The following PI15 variants were observed in gnomAD, a reference collection of about 807,000 sequenced individuals.
PI15 encodes 25 kDa trypsin inhibitor.
A neutral mutation model predicts 31.0 loss-of-function variants in PI15; 18 were observed. The observed-to-expected ratio is 0.58, with a 90% CI of 0.40 to 0.86. PI15 has a LOEUF of 0.86. Ranked by LOEUF, PI15 falls within the 40% of genes least tolerant of loss-of-function variation. The pLI, the probability that PI15 is intolerant of heterozygous loss-of-function variation, is 0.00. For synonymous variants in PI15, 118 were observed against 119.1 expected, an observed-to-expected ratio of 0.99 and a Z score of 0.06; for missense variants, 282 against 328.1, an observed-to-expected ratio of 0.86 and a Z score of 1.09.
At chr8:74,849,014 G>T in intron 5 of PI15, 104 bp from the exon 6 acceptor site, 1 of 895,172 alleles carries the variant, frequency 1.1e-6, no homozygotes, top group Non-Finnish European at 1.7e-6. Flanking sequence ...CTTCTCAAAC[G>T]GATCATCACA....
chr8:74,839,334 C>G (rs915722568), intron 2 of PI15, among the ~76,000 whole-genome samples: 1 of 152,032 alleles, frequency 6.6e-6, no homozygotes, highest in Non-Finnish European at 1.5e-5. Flanking sequence ...ATGAGCTGAC[C>G]AACTGAATGG....
At chr8:74,836,655 G>A (rs1382324379) in intron 2 of PI15, among the ~76,000 whole-genome samples, 1 of 152,156 alleles carries the variant, frequency 6.6e-6, no homozygotes, top group Non-Finnish European at 1.5e-5. Flanking sequence ...TAGAGAAGAA[G>A]CAGCCAGAGA....
At position 74,829,101 on chromosome 8, in the gene PI15, T is replaced by C. The variant is rs180720349; in HGVS notation, c.273+3579T>C. The stretch of plus-strand genomic sequence containing the variant: ...TTTATTCATTTTTGTATCTCTGTTT[T>C]CTTGGGCAATTTCTTGTGTATAGAA... On this transcript the variant is annotated intron_variant, in intron 2 of 5. Transcript: ENST00000260113. Among the ~76,000 whole-genome samples, 317 of 152,222 alleles carry C rather than the reference T, an allele frequency of 2.1e-3. 3 individuals carry two copies. Among genetic ancestry groups the C allele is most frequent in the African/African-American group, 6.7e-3 (279 of 41,556 alleles).
In PI15 at chr8:74,845,480, A is replaced by T. The variant is rs1299824565; in HGVS notation, c.624A>T (p.Val208=). 1 of 1,608,922 alleles carries T rather than the reference A, an allele frequency of 6.2e-7. No homozygotes were observed. Among genetic ancestry groups the T allele is most frequent in the African/African-American group, 1.3e-5 (1 of 74,916 alleles). Residue 208 remains valine, a synonymous_variant, in exon 5 of 6, where the codon GTA becomes GTT. Transcript: ENST00000260113. ...TGTGGCGACGTGCAGTTTACTTGGT[A>T]TGCAACTATGCCCCAAAGTAAGTAC... ...GSVWRRAVYL[V]CNYAPKGNWI...
intron 2 of PI15, among the ~76,000 whole-genome samples, chr8:74,832,951 C>T (rs1810809236): frequency 6.6e-6 from 1 of 152,082 alleles, no homozygotes. Context: ...GCATCAAATT[C>T]ACTTTTAATA....
chr8:74,825,219 C>T lies in PI15; in HGVS notation c.-31C>T. The T allele has an allele frequency of 6.2e-7, 1 of 1,606,466 alleles. No homozygotes were observed. Among genetic ancestry groups the T allele is most frequent in the South Asian group, 1.1e-5 (1 of 90,904 alleles). On this transcript the variant is annotated 5_prime_UTR_variant, in exon 2 of 6. Coordinates refer to ENST00000260113, the MANE Select transcript of PI15 (RefSeq NM_015886.5). ...CCTTTCTGCTTTAAAGCAAAGTAAA[C>T]TCGGTGGCCTCTTCTTCTCCACCCC...
At position 74,853,875 on chromosome 8, in the gene PI15, A is replaced by G. The variant is rs1189985741; in HGVS notation, c.*4622A>G. On this transcript the variant is annotated 3_prime_UTR_variant, in exon 6 of 6. Transcript: ENST00000260113. ...AATTAATTAGGTATTGGTAAAATAT[A>G]TTTTTAAATTTAGTTAGCTTTATAA... 11 of 152,022 alleles carry G rather than the reference A, an allele frequency of 7.2e-5. No homozygotes were observed. In the East Asian group the frequency reaches 1.4e-3, roughly 19 times the overall value. The allele number at this position is 152,022 out of a possible 1,614,324, so 9.4% of individuals were successfully genotyped here. A position where few individuals can be genotyped will look rare whatever the true frequency, so the allele number is the denominator to read the frequency against.
intron 2 of PI15, among the ~76,000 whole-genome samples, chr8:74,829,556 T>G (rs1810750262): frequency 6.6e-6 from 1 of 152,122 alleles, no homozygotes; most frequent in Non-Finnish European, 1.5e-5. Flanking sequence ...TTAAGTCAAT[T>G]GAATAAATTA....
Position 74,825,390 on chromosome 8 carries a change from ATTAGATTCAGCGG to A in PI15, c.142_154del (p.Leu48IlefsTer16). ...ATATTGAAGCAGCTCTGAAAGCACA[ATTAGATTCAGCGG>A]ATATCCCCAAAGCCAGGCGGAAGCG... On this transcript the variant is annotated frameshift_variant, in exon 2 of 6. Coordinates refer to ENST00000260113, the MANE Select transcript of PI15 (RefSeq NM_015886.5). LOFTEE classifies it high-confidence loss of function. 6.2e-7 allele frequency: 1 copy of A among 1,613,542 alleles called. No individual in the cohort carries two copies. The highest frequency in any genetic ancestry group is 8.5e-7 in the Non-Finnish European group (1 of 1,179,666).
At chr8:74,848,718 T>A (rs1228781904) in intron 5 of PI15, among the ~76,000 whole-genome samples, 2 of 135,698 alleles carry the variant, frequency 1.5e-5, no homozygotes, top group South Asian at 4.4e-4. Context: ...TATATAAATA[T>A]ATATATATAT....
intron 2 of PI15, among the ~76,000 whole-genome samples, chr8:74,827,204 A>G (rs1439783922): frequency 6.6e-6 from 1 of 152,056 alleles, no homozygotes. Context: ...GTGGCCTTGC[A>G]CAGGTTATTT....
chr8:74,840,694 T>A (rs968482372), intron 2 of PI15, among the ~76,000 whole-genome samples: 1 of 152,240 alleles, frequency 6.6e-6, no homozygotes, highest in South Asian at 2.1e-4. Context: ...TCCGCTGCAG[T>A]GGGCATCAGA....
intron 1 of PI15, 88 bp from the exon 2 acceptor site, chr8:74,825,122 C>T (rs141094743): frequency 1.3e-6 from 1 of 767,550 alleles, no homozygotes; most frequent in Non-Finnish European, 2.2e-6. Context: ...TCAAATCAAG[C>T]AATGCTCCCA....
chr8:74,825,070 C>G, intron 1 of PI15, 140 bp from the exon 2 acceptor site: 1 of 666,062 alleles, frequency 1.5e-6, no homozygotes, highest in Non-Finnish European at 2.7e-6. Flanking sequence ...TAGGTTATCT[C>G]CTAGGCTTGA....
chr8:74,850,294 AG>A lies in PI15; in HGVS notation c.*1042del, dbSNP rs1324416194. On this transcript the variant is annotated 3_prime_UTR_variant, in exon 6 of 6. Transcript: ENST00000260113. ...TTGTACAGCTGTGACTTTGGAAAAC[AG>A]AAAGTAAGACCCTCAGAAAACCAAT... The A allele has an allele frequency of 6.6e-6, 1 of 152,248 alleles. No homozygotes were observed. The highest frequency in any genetic ancestry group is 1.5e-5 in the Non-Finnish European group (1 of 68,054). The allele number at this position is 152,248 out of a possible 1,614,324, so 9.4% of individuals were successfully genotyped here. A position where few individuals can be genotyped will look rare whatever the true frequency, so the allele number is the denominator to read the frequency against.
At chr8:74,848,925 T>G (rs1459833615) in intron 5 of PI15, among the ~76,000 whole-genome samples, 193 bp from the exon 6 acceptor site, 2 of 151,878 alleles carry the variant, frequency 1.3e-5, no homozygotes, top group East Asian at 3.9e-4. Flanking sequence ...CTCAGAATAG[T>G]TTTCAAAAGC....
chr8:74,843,850 G>GA, intron 2 of PI15, 131 bp from the exon 3 acceptor site: 2 of 692,620 alleles, frequency 2.9e-6, no homozygotes, highest in South Asian at 1.7e-5. Flanking sequence ...AGCCCGGGCA[G>GA]AAAAAACAAA....
Position 74,825,228 on chromosome 8 carries a change from C to T in PI15, c.-22C>T, listed in dbSNP as rs373187109. The stretch of plus-strand genomic sequence containing the variant: ...TTTAAAGCAAAGTAAACTCGGTGGC[C>T]TCTTCTTCTCCACCCCTCAAAATGA... On this transcript the variant is annotated 5_prime_UTR_variant, in exon 2 of 6. Coordinates refer to ENST00000260113, the MANE Select transcript of PI15 (RefSeq NM_015886.5). 16 of 1,608,858 alleles carry T rather than the reference C, an allele frequency of 9.9e-6. No homozygotes were observed. Among genetic ancestry groups the T allele is most frequent in the African/African-American group, 9.4e-5 (7 of 74,686 alleles).
chr8:74,825,120 A>C, intron 1 of PI15, 90 bp from the exon 2 acceptor site: 1 of 764,562 alleles, frequency 1.3e-6, no homozygotes, highest in Admixed American at 2.3e-5. Flanking sequence ...AGTCAAATCA[A>C]GCAATGCTCC....
Sources: gnomAD v4.1 joint callset for allele counts (sites outside exome capture counted in the v4.1 genomes callset) on GRCh38, gnomAD v4.1.1 for gene constraint, MANE v1.5 for transcripts, NCBI Gene and HGNC (gene_info 2026-07-23, HGNC 2026-07-21) for gene names.